TENM3: variants seen among roughly 807,000 people sequenced by gnomAD.
TENM3 encodes teneurin transmembrane protein 3.
TENM3 carries 63 observed loss-of-function variants against 255.1 expected under a neutral mutation model. The ratio of observed to expected loss-of-function variants is 0.25; its 90% CI spans 0.20 to 0.30. The LOEUF (loss-of-function observed/expected upper bound fraction) is 0.30. Among genes scored for constraint, TENM3 ranks in the 10% least tolerant of loss-of-function variants. The pLI is 1.00. For synonymous variants in TENM3, 1,306 were observed against 1,322.3 expected (o/e 0.99, Z 0.27); for missense variants, 2,929 against 3,461.1 (o/e 0.85, Z 3.86).
Position 182,789,344 on chromosome 4 carries a change from G to C in TENM3, c.5556G>C (p.Arg1852=), listed in dbSNP as rs1253358632. The change falls in exon 25 of 28, where the codon CGG becomes CGC. Residue 1852 remains arginine, a synonymous_variant. Transcript: ENST00000511685. This position sits in a 1 kb window ranked among gnomAD's most constrained non-coding sequence, Gnocchi z 4.4. ...ACGGACAGGGGAGGATCGTGTCTCG[G>C]GTCTTTGCTGATGGTAAAACATGGA... ...DYDGQGRIVS[R]VFADGKTWSY... is the part of the protein sequence containing the mutation. 1 of 1,613,752 alleles carries C rather than the reference G, an allele frequency of 6.2e-7. No individual in the cohort carries two copies. The highest frequency in any genetic ancestry group is 2.2e-5 in the East Asian group (1 of 44,888).
At chr4:182,580,971 T>G (rs1375858124) in intron 3 of TENM3, among the ~76,000 whole-genome samples, 1 of 152,232 alleles carries the variant, frequency 6.6e-6, no homozygotes, top group Non-Finnish European at 1.5e-5. Flanking sequence ...CACTTGATTA[T>G]GGTGAATATT....
the TENM3 span, among the ~76,000 whole-genome samples, chr4:181,856,098 AAAGAAGGAAGGAAAGG>A: frequency 5.5e-4 from 69 of 126,448 alleles, no homozygotes; most frequent in East Asian, 4.4e-3. Flanking sequence ...AAGGAAAGGG[AAAGAAGGAAGGAAAGG>A]AAGAAGGAAG....
chr4:181,637,804 C>G, the TENM3 span, among the ~76,000 whole-genome samples: 1 of 152,100 alleles, frequency 6.6e-6, no homozygotes, highest in Non-Finnish European at 1.5e-5. Flanking sequence ...AATCTATGGC[C>G]CGTGAGACAT....
At chr4:182,785,851 G>A (rs1383098877) in intron 24 of TENM3, among the ~76,000 whole-genome samples, 1 of 151,150 alleles carries the variant, frequency 6.6e-6, no homozygotes, top group Admixed American at 6.6e-5. Context: ...GTCCTGGAAC[G>A]CAGGTGCCCC....
the TENM3 span, among the ~76,000 whole-genome samples, chr4:181,843,367 T>A: frequency 6.6e-6 from 1 of 152,188 alleles, no homozygotes; most frequent in Non-Finnish European, 1.5e-5. Flanking sequence ...GCTTGTAATA[T>A]GTTCAATAAC....
the TENM3 span, among the ~76,000 whole-genome samples, chr4:181,932,477 C>T: frequency 6.6e-6 from 1 of 152,170 alleles, no homozygotes; most frequent in Non-Finnish European, 1.5e-5. Flanking sequence ...CCATCTCACG[C>T]CAGTTAGAAT....
intron 3 of TENM3, among the ~76,000 whole-genome samples, chr4:182,364,959 T>C (rs1353094910): frequency 6.6e-6 from 1 of 152,206 alleles, no homozygotes; most frequent in African/African-American, 2.4e-5. Context: ...GCCAAAGGGC[T>C]ATACAACCTA....
intron 5 of TENM3, among the ~76,000 whole-genome samples, chr4:182,629,555 G>A (rs1751154337): frequency 6.6e-6 from 1 of 152,022 alleles, no homozygotes; most frequent in South Asian, 2.1e-4. Flanking sequence ...TCACACTACT[G>A]GAAATCGCTT....
At chr4:181,855,630 G>T in the TENM3 span, among the ~76,000 whole-genome samples, 1 of 152,090 alleles carries the variant, frequency 6.6e-6, no homozygotes, top group South Asian at 2.1e-4. Context: ...TGAACTTAAG[G>T]TTATTATTCT....
the TENM3 span, among the ~76,000 whole-genome samples, chr4:181,460,930 A>G: frequency 1.3e-5 from 2 of 151,590 alleles, no homozygotes; most frequent in Non-Finnish European, 3.0e-5. Context: ...AAAATTTTTA[A>G]GTTTATTTTC....
chr4:181,979,690 T>C, the TENM3 span, among the ~76,000 whole-genome samples: 1 of 151,998 alleles, frequency 6.6e-6, no homozygotes, highest in Non-Finnish European at 1.5e-5. Flanking sequence ...CCTTGTCCAA[T>C]GTAGTGTGCA....
the TENM3 span, among the ~76,000 whole-genome samples, chr4:181,907,742 A>G: frequency 6.6e-6 from 1 of 152,148 alleles, no homozygotes; most frequent in African/African-American, 2.4e-5. Flanking sequence ...TGGGGCAGCC[A>G]ACGCAGGAAT....
At chr4:181,944,676 C>T in the TENM3 span, among the ~76,000 whole-genome samples, 1 of 152,090 alleles carries the variant, frequency 6.6e-6, no homozygotes, top group East Asian at 2.0e-4. Flanking sequence ...AACATAGGGA[C>T]AATGCCTGAC....
intron 3 of TENM3, among the ~76,000 whole-genome samples, chr4:182,546,801 T>C (rs1443685106): frequency 6.6e-6 from 1 of 152,152 alleles, no homozygotes; most frequent in Non-Finnish European, 1.5e-5. Context: ...CAAAAGTGTG[T>C]CCAAGAGTTA....
chr4:181,536,057 A>G, the TENM3 span, among the ~76,000 whole-genome samples: 1,960 of 152,274 alleles, frequency 0.013, 30 homozygotes, highest in East Asian at 0.075. Flanking sequence ...GCACCTGTAT[A>G]TTTTATGAAA....
the TENM3 span, among the ~76,000 whole-genome samples, chr4:182,084,180 C>T: frequency 1.3e-5 from 2 of 151,700 alleles, no homozygotes; most frequent in African/African-American, 4.9e-5. Context: ...AGACTCGTTT[C>T]TAGCTGCTTG....
chr4:181,539,527 G>T, the TENM3 span, among the ~76,000 whole-genome samples: 1 of 152,026 alleles, frequency 6.6e-6, no homozygotes, highest in African/African-American at 2.4e-5. Context: ...AACTTAATAC[G>T]TTTATTCCTC....
At chr4:181,719,215 A>AAAATAAAT in the TENM3 span, among the ~76,000 whole-genome samples, 26 of 150,070 alleles carry the variant, frequency 1.7e-4, 1 homozygote, top group South Asian at 8.4e-4. Flanking sequence ...TCCGTCTCAA[A>AAAATAAAT]AAATAAATAA....
At chr4:182,281,552 G>C (rs1321874819) in intron 1 of TENM3, among the ~76,000 whole-genome samples, 1 of 151,892 alleles carries the variant, frequency 6.6e-6, no homozygotes, top group African/African-American at 2.4e-5. Context: ...CAAAGGTCTT[G>C]CTATATTGCC....
Sources: allele counts gnomAD v4.1 joint callset (sites outside exome capture counted in the v4.1 genomes callset), GRCh38; gene constraint gnomAD v4.1.1; non-coding constraint Gnocchi (gnomAD v3.1); transcripts MANE v1.5; gene names NCBI Gene and HGNC (gene_info 2026-07-23, HGNC 2026-07-21).